Variants in C13orf42 observed in about 807,000 individuals in gnomAD.
The protein encoded by C13orf42 is uncharacterized protein C13orf42.
intron 1 of C13orf42, among the ~76,000 whole-genome samples, chr13:51,167,417 C>G (rs1320670550): frequency 1.3e-5 from 2 of 152,142 alleles, no homozygotes; most frequent in Non-Finnish European, 2.9e-5. Context: ...AGCTGAAAAG[C>G]CCTGTTTAGA....
intron 1 of C13orf42, among the ~76,000 whole-genome samples, chr13:51,130,082 A>C (rs1242941722): frequency 6.6e-6 from 1 of 152,250 alleles, no homozygotes; most frequent in African/African-American, 2.4e-5. Flanking sequence ...AATTGGTTTA[A>C]AAATAAGTGC....
chr13:51,162,512 C>A (rs146218200), intron 1 of C13orf42, among the ~76,000 whole-genome samples: 3 of 152,118 alleles, frequency 2.0e-5, no homozygotes, highest in African/African-American at 7.2e-5. Flanking sequence ...ATCAGAGAAA[C>A]CTGTGAGTGT....
intron 3 of C13orf42, 50 bp downstream of exon 3, chr13:51,085,269 C>A: frequency 5.0e-6 from 2 of 396,274 alleles, no homozygotes; most frequent in South Asian, 2.7e-4. Flanking sequence ...CCCCAAGCGT[C>A]TGGAGGCCAC....
chr13:51,152,924 T>C lies in C13orf42; in HGVS notation n.136+19329A>G, dbSNP rs939361406. On this transcript the variant is annotated intron_variant and non_coding_transcript_variant, in intron 1 of 4. Coordinates refer to the C13orf42 transcript ENST00000433280. ...ATCCCATACATGCAGAGCTGCGTCA[T>C]GTTCGCGGGCACCCTGGGGACACCT... Among the ~76,000 whole-genome samples the C allele has an allele frequency of 3.9e-5, 6 of 152,276 alleles. No homozygotes were observed. The South Asian group carries it at 1.2e-3, about 32-fold the overall frequency.
In C13orf42 at chr13:51,090,699, C is replaced by T. The variant is rs191645810; in HGVS notation, c.415-2624G>A. Among the ~76,000 whole-genome samples the T allele has an allele frequency of 1.3e-3, 204 of 152,300 alleles. 1 individual carries two copies. The highest frequency in any genetic ancestry group is 4.6e-3 in the African/African-American group (193 of 41,558). Reference sequence around the variant, plus strand: ...GGAGGGTTTGGCTAGCAGCTCAAAGCAGCCTCAGTCGGTTGCTGTTAATTG... The same window carrying T: ...GGAGGGTTTGGCTAGCAGCTCAAAGTAGCCTCAGTCGGTTGCTGTTAATTG... On this transcript the variant is annotated intron_variant, in intron 1 of 3. Transcript: ENST00000563710.
At chr13:51,156,353 G>A (rs149667152) in intron 1 of C13orf42, among the ~76,000 whole-genome samples, 1 of 152,306 alleles carries the variant, frequency 6.6e-6, no homozygotes, top group East Asian at 1.9e-4. Flanking sequence ...AGTGCATACT[G>A]TGTTCTAAGT....
At chr13:51,114,651 T>TAG (rs1555266732), upstream of C13orf42, among the ~76,000 whole-genome samples, 8,363 of 142,416 alleles carry the variant, frequency 0.059, 318 homozygotes, top group South Asian at 0.087. Flanking sequence ...TAGATAGAGA[T>TAG]AGACAGACAG....
intron 1 of C13orf42, among the ~76,000 whole-genome samples, chr13:51,161,441 A>AT (rs1953863538): frequency 6.6e-6 from 1 of 152,104 alleles, no homozygotes; most frequent in Admixed American, 6.5e-5. Context: ...AGATGGTACT[A>AT]TGAGTGCCCT....
intron 1 of C13orf42, among the ~76,000 whole-genome samples, chr13:51,108,211 T>C (rs1953383234): frequency 6.6e-6 from 1 of 152,176 alleles, no homozygotes; most frequent in Admixed American, 6.5e-5. Flanking sequence ...TCGTAACTAA[T>C]TACATCTGCA....
At chr13:51,095,314 G>GTTT (rs1320489010) in intron 1 of C13orf42, among the ~76,000 whole-genome samples, 1 of 151,892 alleles carries the variant, frequency 6.6e-6, no homozygotes, top group Non-Finnish European at 1.5e-5. Flanking sequence ...TGTTGTTGCT[G>GTTT]TTGTTGTTAT....
At chr13:51,160,208 A>C (rs976703831) in intron 1 of C13orf42, among the ~76,000 whole-genome samples, 1 of 152,190 alleles carries the variant, frequency 6.6e-6, no homozygotes, top group African/African-American at 2.4e-5. Context: ...ACACAATGCC[A>C]ATGTTTAGAA....
At chr13:51,167,733 G>T (rs181891371) in intron 1 of C13orf42, among the ~76,000 whole-genome samples, 4 of 152,286 alleles carry the variant, frequency 2.6e-5, no homozygotes, top group Non-Finnish European at 5.9e-5. Context: ...TTCTGGGTGG[G>T]TGTGTCTTTT....
chr13:51,161,354 T>G (rs1953862928), intron 1 of C13orf42, among the ~76,000 whole-genome samples: 1 of 151,938 alleles, frequency 6.6e-6, no homozygotes, highest in Admixed American at 6.6e-5. Context: ...AAGCATGTCT[T>G]TTTAGCTAAT....
intron 1 of C13orf42, among the ~76,000 whole-genome samples, chr13:51,162,669 T>G (rs770410627): frequency 1.4e-4 from 21 of 152,190 alleles, no homozygotes; most frequent in Non-Finnish European, 3.1e-4. Flanking sequence ...AAAAGAGGAT[T>G]TGCTCTGTCC....
chr13:51,125,384 T>A (rs1953568235), intron 1 of C13orf42, among the ~76,000 whole-genome samples: 1 of 152,198 alleles, frequency 6.6e-6, no homozygotes, highest in Non-Finnish European at 1.5e-5. Flanking sequence ...CAAATATTGG[T>A]GCCTGGTTCA....
intron 1 of C13orf42, among the ~76,000 whole-genome samples, chr13:51,089,630 G>A (rs919652013): frequency 6.6e-6 from 1 of 151,922 alleles, no homozygotes; most frequent in African/African-American, 2.4e-5. Context: ...GTGGAACTGT[G>A]AGTCAATTAA....
chr13:51,085,491 C>T lies in C13orf42; in HGVS notation c.631G>A (p.Glu211Lys), dbSNP rs1003035543. ...TGCACAGTGTGGGCAGCGATATCCT[C>T]GGAGTGTCTGCGCGGTGCCCGCAGG... The part of the protein sequence containing the change: ...WILRAPRRHS[E>K]DIAAHTVHTV... The change falls in exon 3 of 4, where the codon GAG becomes AAG. Residue 211 changes from glutamate to lysine, a missense_variant. Physicochemically the swap from Glu to Lys is moderately conservative, Grantham distance 56. Transcript: ENST00000563710. 33 of 398,544 alleles carry T rather than the reference C, an allele frequency of 8.3e-5. No homozygotes were observed. Among genetic ancestry groups the T allele is most frequent in the African/African-American group, 6.2e-4 (30 of 48,626 alleles). 24.7% of individuals were successfully genotyped at this position (398,544 alleles called of 1,614,324 possible).
chr13:51,135,331 G>A (rs12869206), intron 1 of C13orf42, among the ~76,000 whole-genome samples: 19,058 of 152,176 alleles, frequency 0.13, 1,312 homozygotes, highest in African/African-American at 0.16. Context: ...ACAGACCTCC[G>A]AGCCTTTGCT....
At chr13:51,170,868 C>A (rs1392321680) in intron 1 of C13orf42, among the ~76,000 whole-genome samples, 1 of 151,900 alleles carries the variant, frequency 6.6e-6, no homozygotes, top group East Asian at 1.9e-4. Flanking sequence ...GGGCAAGTAC[C>A]CCTCAATCCC....
Sources: allele counts gnomAD v4.1 joint callset (sites outside exome capture counted in the v4.1 genomes callset), GRCh38; gene constraint gnomAD v4.1.1; transcripts MANE v1.5; gene names NCBI Gene and HGNC (gene_info 2026-07-23, HGNC 2026-07-21).